The following GCN1 variants were observed in gnomAD, a reference collection of about 807,000 sequenced individuals.
The protein encoded by GCN1 is GCN1 activator of EIF2AK4.
A neutral mutation model predicts 288.4 loss-of-function variants in GCN1; 90 were observed. That is an observed-to-expected ratio of 0.31 (90% CI 0.26 to 0.37). The LOEUF (loss-of-function observed/expected upper bound fraction) is 0.37, where lower values mean the gene tolerates loss of function less well. Ranked by LOEUF, GCN1 falls within the 10% of genes least tolerant of loss-of-function variation. The pLI is 1.00. For missense variants in GCN1, 2,586 were observed against 3,419.9 expected, an observed-to-expected ratio of 0.76 and a Z score of 6.08; for synonymous variants, 1,386 against 1,420.2, an observed-to-expected ratio of 0.98 and a Z score of 0.54.
Position 120,156,444 on chromosome 12 carries a change from T to C in GCN1, c.3312+17A>G, listed in dbSNP as rs1353021613. On this transcript the variant is annotated intron_variant, in intron 28 of 57. Coordinates refer to ENST00000300648, the MANE Select transcript of GCN1 (RefSeq NM_006836.2). The surrounding 1 kb of genome is among the most constrained non-coding windows in gnomAD (Gnocchi z 5.8). ...GTGACAAGGGACACTGCAGTGGCTC[T>C]GAGACTGAGCACACACCCGGAGCAC... The C allele has an allele frequency of 6.2e-7, 1 of 1,612,294 alleles. No individual in the cohort carries two copies. Among genetic ancestry groups the C allele is most frequent in the African/African-American group, 1.3e-5 (1 of 75,038 alleles).
chr12:120,167,649 T>G (rs1415646523), intron 16 of GCN1, among the ~76,000 whole-genome samples: 1 of 152,178 alleles, frequency 6.6e-6, no homozygotes, highest in Non-Finnish European at 1.5e-5. Context: ...GTCTATTTCC[T>G]TTTCAAAATT....
intron 20 of GCN1, 26 bp downstream of exon 20, chr12:120,162,821 G>C: frequency 6.2e-7 from 1 of 1,612,098 alleles, no homozygotes; most frequent in Non-Finnish European, 8.5e-7. Context: ...CGGACCTGAG[G>C]CCAGACCAGC....
rs1220343353 is a variant in GCN1 at position 120,158,192 on chromosome 12, C to G, written c.2906-162G>C. Reference sequence around the variant, plus strand: ...AGGACAGAGACAGCAGCTGGTAGTCCAGTTCTAAAACCAATTCTGCTTCTA... The same window carrying G: ...AGGACAGAGACAGCAGCTGGTAGTCGAGTTCTAAAACCAATTCTGCTTCTA... On this transcript the variant is annotated intron_variant, in intron 25 of 57. Coordinates refer to ENST00000300648, the MANE Select transcript of GCN1 (RefSeq NM_006836.2). This position sits in a 1 kb window ranked among gnomAD's most constrained non-coding sequence, Gnocchi z 4.3. Among the ~76,000 whole-genome samples, 1 of 152,196 alleles carries G rather than the reference C, an allele frequency of 6.6e-6. No homozygotes were observed. The highest frequency in any genetic ancestry group is 1.5e-5 in the Non-Finnish European group (1 of 68,034).
At chr12:120,184,412 A>C (rs768848672) in intron 3 of GCN1, among the ~76,000 whole-genome samples, 169 bp from the exon 4 acceptor site, 14 of 152,218 alleles carry the variant, frequency 9.2e-5, no homozygotes, top group African/African-American at 3.4e-4. Context: ...ACCTCCTCCT[A>C]GAGTTCTAAA....
chr12:120,164,040 G>C (rs117637925), intron 18 of GCN1, among the ~76,000 whole-genome samples: 2,855 of 152,298 alleles, frequency 0.019, 50 homozygotes, highest in Non-Finnish European at 0.029. Context: ...GGCTGAGGTG[G>C]AAGGATCGCT....
chr12:120,167,769 C>T (rs1286534824), intron 16 of GCN1, among the ~76,000 whole-genome samples: 1 of 152,076 alleles, frequency 6.6e-6, no homozygotes, highest in Non-Finnish European at 1.5e-5. Context: ...TAGTGGCAGA[C>T]ACTCCTAAGG....
chr12:120,186,621 A>G (rs1878829417), intron 2 of GCN1, among the ~76,000 whole-genome samples: 1 of 152,208 alleles, frequency 6.6e-6, no homozygotes, highest in Non-Finnish European at 1.5e-5. Context: ...CAGTTTCCCC[A>G]GGGCCCTGAC....
intron 5 of GCN1, among the ~76,000 whole-genome samples, chr12:120,182,871 C>CAG (rs1449655856): frequency 6.8e-6 from 1 of 146,998 alleles, no homozygotes; most frequent in African/African-American, 2.5e-5. Context: ...ACCCAGGAGG[C>CAG]AGAGGTTGCA....
intron 53 of GCN1, among the ~76,000 whole-genome samples, chr12:120,133,208 GGT>G (rs141873215): frequency 5.9e-5 from 9 of 151,800 alleles, no homozygotes; most frequent in South Asian, 2.1e-4. Flanking sequence ...AGTGTGTGTG[GGT>G]GTGTGTGTGT....
intron 11 of GCN1, among the ~76,000 whole-genome samples, chr12:120,175,440 T>C (rs996355522): frequency 6.6e-6 from 1 of 152,192 alleles, no homozygotes; most frequent in Non-Finnish European, 1.5e-5. Context: ...AAGAAAAACA[T>C]TTAAAAGGCA....
Position 120,170,288 on chromosome 12 carries a change from G to A in GCN1, c.1400C>T (p.Pro467Leu). ...CTTCTCCACTGTCTGGATGAGCAAG[G>A]GCAGTAAGTCCAGGGCCTGCAACAG... ...DTLLQALDLL[P>L]LLIQTVEKAA... Residue 467 changes from proline (P) to leucine (L), a missense_variant, in exon 15 of 58, where the codon CCC becomes CTC. Pro to Leu is a moderately conservative substitution (Grantham distance 98). Coordinates refer to ENST00000300648, the MANE Select transcript of GCN1 (RefSeq NM_006836.2). 6.2e-7 allele frequency: 1 copy of A among 1,614,104 alleles called. No homozygotes were observed. The highest frequency in any genetic ancestry group is 8.5e-7 in the Non-Finnish European group (1 of 1,179,968).
intron 45 of GCN1, 129 bp downstream of exon 45, chr12:120,140,730 G>C (rs765442403): frequency 2.1e-5 from 17 of 822,760 alleles, no homozygotes; most frequent in Non-Finnish European, 3.2e-5. Flanking sequence ...CCTCCCCAGA[G>C]TGAGACTGGC....
chr12:120,134,235 G>C lies in GCN1; in HGVS notation c.7317+56C>G. 10 of 1,150,248 alleles carry C rather than the reference G, an allele frequency of 8.7e-6. No individual in the cohort carries two copies. The highest frequency in any genetic ancestry group is 1.3e-5 in the Non-Finnish European group (10 of 760,726). 71.3% of individuals were successfully genotyped at this position (1,150,248 alleles called of 1,614,324 possible). ...CACAAAGTGAAGAACTCAACCTAAG[G>C]AGGAGGAGGGAAACCAGTGGTCCAG... On this transcript the variant is annotated intron_variant, in intron 53 of 57. Transcript: ENST00000300648. This position sits in a 1 kb window ranked among gnomAD's most constrained non-coding sequence, Gnocchi z 5.0.
Position 120,158,594 on chromosome 12 carries a change from GTCACGTGGC to G in GCN1, c.2762_2770del (p.Ser921_Val923del). Reference sequence around the variant, plus strand: ...ACACTCTGGCTTCAGCAGGCGCAGGGTCACGTGGCTCACCAAAGTGCCTGTGTTGAAGAG... The same window carrying G: ...ACACTCTGGCTTCAGCAGGCGCAGGGTCACCAAAGTGCCTGTGTTGAAGAG... On this transcript the variant is annotated inframe_deletion, in exon 25 of 58. Coordinates refer to ENST00000300648, the MANE Select transcript of GCN1 (RefSeq NM_006836.2). This position sits in a 1 kb window ranked among gnomAD's most constrained non-coding sequence, Gnocchi z 4.3. 1 of 1,608,226 alleles carries G rather than the reference GTCACGTGGC, an allele frequency of 6.2e-7. No homozygotes were observed. Among genetic ancestry groups the G allele is most frequent in the Non-Finnish European group, 8.5e-7 (1 of 1,177,270 alleles).
intron 13 of GCN1, 100 bp from the exon 14 acceptor site, chr12:120,173,926 A>C: frequency 2.7e-6 from 3 of 1,107,094 alleles, no homozygotes; most frequent in Non-Finnish European, 2.7e-6. Context: ...AGCGGGAGGA[A>C]GCAGTGATAT....
chr12:120,148,263 T>TA lies in GCN1; in HGVS notation c.4629dup (p.Thr1544TyrfsTer66). 1 of 1,614,038 alleles carries TA rather than the reference T, an allele frequency of 6.2e-7. No individual in the cohort carries two copies. Among genetic ancestry groups the TA allele is most frequent in the Non-Finnish European group, 8.5e-7 (1 of 1,179,944 alleles). On this transcript the variant is annotated frameshift_variant, in exon 37 of 58. Transcript: ENST00000300648. LOFTEE classifies it high-confidence loss of function. ...ACATGGGAGTCGGTCAGCACCTCCG[T>TA]AAGCTTGGGCACAATGTTGGGTAGA...
intron 18 of GCN1, among the ~76,000 whole-genome samples, chr12:120,164,004 G>A (rs1878019967): frequency 6.6e-6 from 1 of 152,128 alleles, no homozygotes; most frequent in African/African-American, 2.4e-5. Context: ...CAGGTGGTGT[G>A]CACCTATAGT....
At chr12:120,151,905 G>A (rs1032135467) in intron 33 of GCN1, among the ~76,000 whole-genome samples, 30 of 152,166 alleles carry the variant, frequency 2.0e-4, no homozygotes, top group Non-Finnish European at 1.0e-4. Flanking sequence ...CAGCAACCCC[G>A]AGGCCATGCT....
At chr12:120,185,005 C>T (rs1878776857) in intron 2 of GCN1, 118 bp from the exon 3 acceptor site, 2 of 694,244 alleles carry the variant, frequency 2.9e-6, no homozygotes, top group African/African-American at 1.8e-5. Flanking sequence ...ATATTTAAGA[C>T]CTTCCTCCCC....
Sources: gnomAD v4.1 joint callset for allele counts (sites outside exome capture counted in the v4.1 genomes callset) on GRCh38, gnomAD v4.1.1 for gene constraint, Gnocchi (gnomAD v3.1) non-coding constraint, MANE v1.5 for transcripts, NCBI Gene and HGNC (gene_info 2026-07-23, HGNC 2026-07-21) for gene names.